Variants in PCDHA2 observed in about 807,000 individuals in gnomAD.
PCDHA2 encodes the protein protocadherin alpha-2.
Under a neutral mutation model 66.0 loss-of-function variants are expected in PCDHA2, and 58 were observed. The observed-to-expected ratio is 0.88, with a 90% CI of 0.71 to 1.09. The LOEUF is 1.09. Among genes scored for constraint, PCDHA2 ranks in the 50% least tolerant of loss-of-function variants. The pLI, the probability that PCDHA2 is intolerant of heterozygous loss-of-function variation, is 0.00. For missense variants in PCDHA2, 1,267 were observed against 1,242.3 expected (o/e 1.02, Z -0.30); for synonymous variants, 634 against 554.0 (o/e 1.14, Z -2.03).
At chr5:140,994,214 G>A (rs2153923643) in intron 3 of PCDHA2, among the ~76,000 whole-genome samples, 1 of 152,296 alleles carries the variant, frequency 6.6e-6, no homozygotes, top group South Asian at 2.1e-4. Flanking sequence ...ATGGGACCCA[G>A]GGTCTGTCTA....
intron 1 of PCDHA2, chr5:140,883,942 G>A (rs1223058684): frequency 1.9e-6 from 3 of 1,613,328 alleles, no homozygotes; most frequent in African/African-American, 2.7e-5. Context: ...TGCTGGACGA[G>A]AACGACAACG....
intron 1 of PCDHA2, chr5:140,829,721 C>T: frequency 1.2e-6 from 2 of 1,613,590 alleles, no homozygotes; most frequent in Non-Finnish European, 1.7e-6. Flanking sequence ...GGGCGTGCCG[C>T]CTCTGGGCAG....
At chr5:140,874,217 A>G (rs2054785474) in intron 1 of PCDHA2, among the ~76,000 whole-genome samples, 1 of 152,214 alleles carries the variant, frequency 6.6e-6, no homozygotes, top group African/African-American at 2.4e-5. Flanking sequence ...TATTATATGC[A>G]GTAGGAATGA....
chr5:140,899,402 G>T (rs1465071147), intron 1 of PCDHA2, among the ~76,000 whole-genome samples: 2 of 152,004 alleles, frequency 1.3e-5, no homozygotes, highest in South Asian at 2.1e-4. Context: ...TAGCATGAAG[G>T]GTTGTTGAAT....
intron 2 of PCDHA2, among the ~76,000 whole-genome samples, chr5:140,979,795 A>G (rs781835728): frequency 6.6e-6 from 1 of 152,264 alleles, no homozygotes. Flanking sequence ...GAAACAAATG[A>G]TCACAACTAT....
At position 140,875,871 on chromosome 5, in the gene PCDHA2, C is replaced by G. The variant is rs2055892299; in HGVS notation, c.2388+78519C>G. On this transcript the variant is annotated intron_variant, in intron 1 of 3. Transcript: ENST00000526136. ...ACATTAACGACAACCCGCCGGTGTT[C>G]AGAGAAAGGGAACAAAAGGTACCTG... 3 of 1,614,188 alleles carry G rather than the reference C, an allele frequency of 1.9e-6. No individual in the cohort carries two copies. The highest frequency in any genetic ancestry group is 2.5e-6 in the Non-Finnish European group (3 of 1,180,036).
chr5:140,967,460 G>A, intron 1 of PCDHA2: 1 of 1,613,538 alleles, frequency 6.2e-7, no homozygotes, highest in Non-Finnish European at 8.5e-7. Context: ...AGCCGTGGAT[G>A]GGGGCATCCC....
At position 140,872,081 on chromosome 5, in the gene PCDHA2, C is replaced by A. The variant is rs559710022; in HGVS notation, c.2388+74729C>A. ...TCCAGAGTAGCTGGGAATGCAGTGC[C>A]ACTGCACTTAGTCCATTGGCTTTCC... On this transcript the variant is annotated intron_variant, in intron 1 of 3. Transcript: ENST00000526136. Among the ~76,000 whole-genome samples the A allele has an allele frequency of 2.6e-5, 4 of 152,212 alleles. No individual in the cohort carries two copies. In the South Asian group the frequency reaches 8.3e-4, roughly 32 times the overall value.
intron 1 of PCDHA2, among the ~76,000 whole-genome samples, chr5:140,915,707 T>C (rs545075490): frequency 1.3e-4 from 19 of 151,930 alleles, no homozygotes; most frequent in Non-Finnish European, 2.6e-4. Flanking sequence ...AGCACTCCTG[T>C]GGCCCCCACT....
Position 140,796,671 on chromosome 5 carries a change from G to T in PCDHA2, c.1707G>T (p.Arg569Ser), listed in dbSNP as rs1455418008. The change falls in exon 1 of 4, where the codon AGG becomes AGT. Residue 569 changes from arginine (R) to serine (S), a missense_variant. Transcript: ENST00000526136. The part of the protein sequence containing the change: ...NDNAPALLAP[R>S]AGTAAGAVSE... ...ACGCGCCGGCACTGTTGGCGCCTAG[G>T]GCTGGCACCGCTGCTGGCGCAGTGA... The T allele has an allele frequency of 1.4e-5, 22 of 1,613,904 alleles. No individual in the cohort carries two copies. The highest frequency in any genetic ancestry group is 1.6e-5 in the Non-Finnish European group (19 of 1,179,874).
chr5:140,809,129 C>T (rs868934525), intron 1 of PCDHA2: 1 of 1,614,034 alleles, frequency 6.2e-7, no homozygotes, highest in Non-Finnish European at 8.5e-7. Flanking sequence ...CCACCGCCTA[C>T]TGGTACTGGT....
Position 140,857,175 on chromosome 5 carries a change from A to G in PCDHA2, c.2388+59823A>G, listed in dbSNP as rs149086377. ...ATTGCCCTAATCAGCGTTTCTGACC[A>G]TGATTCAGGAGCCAACGGACAGGTC... On this transcript the variant is annotated intron_variant, in intron 1 of 3. Transcript: ENST00000526136. 1.1e-5 allele frequency: 18 copies of G among 1,598,338 alleles called. No homozygotes were observed. The African/African-American group carries it at 1.3e-4, about 12-fold the overall frequency.
chr5:140,854,113 G>A (rs2042980116), intron 1 of PCDHA2: 1 of 316,648 alleles, frequency 3.2e-6, no homozygotes, highest in African/African-American at 2.4e-5. Flanking sequence ...AGTGAACTGT[G>A]ATGGCACAAC....
intron 3 of PCDHA2, among the ~76,000 whole-genome samples, chr5:141,002,612 C>G (rs1487847560): frequency 1.3e-5 from 2 of 152,178 alleles, no homozygotes; most frequent in Non-Finnish European, 2.9e-5. Context: ...AAAACAGACA[C>G]ATAACACAGA....
At chr5:140,908,846 T>A (rs2074185614) in intron 1 of PCDHA2, among the ~76,000 whole-genome samples, 1 of 152,294 alleles carries the variant, frequency 6.6e-6, no homozygotes, top group East Asian at 1.9e-4. Flanking sequence ...TGGAGTAACA[T>A]ACCCAAATGA....
intron 1 of PCDHA2, among the ~76,000 whole-genome samples, chr5:140,940,458 C>T (rs1041159084): frequency 4.0e-5 from 6 of 151,806 alleles, no homozygotes; most frequent in African/African-American, 1.5e-4. Context: ...TTATAGGTTT[C>T]TGTTCCCTGC....
intron 1 of PCDHA2, among the ~76,000 whole-genome samples, chr5:140,913,040 G>T (rs1554195697): frequency 1.3e-5 from 2 of 152,022 alleles, no homozygotes; most frequent in African/African-American, 4.8e-5. Flanking sequence ...AGATATATTG[G>T]CCTGGAGTTT....
At chr5:140,989,601 A>C (rs553140269) in intron 3 of PCDHA2, among the ~76,000 whole-genome samples, 14 of 152,318 alleles carry the variant, frequency 9.2e-5, no homozygotes, top group African/African-American at 3.4e-4. Flanking sequence ...ACACAAGTAA[A>C]CTAAAAATGA....
intron 3 of PCDHA2, among the ~76,000 whole-genome samples, chr5:141,000,006 C>T (rs1453937377): frequency 1.3e-5 from 2 of 151,992 alleles, no homozygotes; most frequent in Admixed American, 1.3e-4. Context: ...TTAGATTGGC[C>T]TCCCCATTGC....
Sources: allele counts gnomAD v4.1 joint callset (sites outside exome capture counted in the v4.1 genomes callset), GRCh38; gene constraint gnomAD v4.1.1; transcripts MANE v1.5; gene names NCBI Gene and HGNC (gene_info 2026-07-23, HGNC 2026-07-21).